Variants in SND1 observed in about 807,000 individuals in gnomAD.
SND1 encodes staphylococcal nuclease and tudor domain containing 1.
Under a neutral mutation model 121.7 loss-of-function variants are expected in SND1, and 38 were observed. That is an observed-to-expected ratio of 0.31 (90% confidence interval 0.24 to 0.41). The LOEUF is 0.41. Among genes scored for constraint, SND1 ranks in the 10% least tolerant of loss-of-function variants. SND1 has a pLI of 1.00. For synonymous variants in SND1, 401 were observed against 447.4 expected, an observed-to-expected ratio of 0.90 and a Z score of 1.31; for missense variants, 868 against 1,184.6, an observed-to-expected ratio of 0.73 and a Z score of 3.92.
At chr7:127,865,276 C>G (rs1252861787) in intron 12 of SND1, among the ~76,000 whole-genome samples, 1 of 152,182 alleles carries the variant, frequency 6.6e-6, no homozygotes, top group African/African-American at 2.4e-5. Context: ...GACCTCTGTC[C>G]TTCTATCTAT....
intron 10 of SND1, among the ~76,000 whole-genome samples, chr7:127,801,171 G>A (rs1253455861): frequency 6.6e-6 from 1 of 152,172 alleles, no homozygotes; most frequent in Non-Finnish European, 1.5e-5. Flanking sequence ...ACCAAACAGT[G>A]CCACATAGCG....
chr7:127,897,620 G>A (rs1261592193), intron 13 of SND1, among the ~76,000 whole-genome samples: 1 of 152,100 alleles, frequency 6.6e-6, no homozygotes, highest in East Asian at 1.9e-4. Context: ...AAGGGAGATG[G>A]AAAGCAAATG....
chr7:127,841,653 C>G (rs192345930), intron 11 of SND1, among the ~76,000 whole-genome samples: 24 of 152,264 alleles, frequency 1.6e-4, no homozygotes, highest in Non-Finnish European at 2.9e-4. Flanking sequence ...CTGAGTTACT[C>G]AGGCCTGTCT....
intron 1 of SND1, among the ~76,000 whole-genome samples, chr7:127,654,719 G>A (rs958200021): frequency 4.6e-5 from 7 of 152,214 alleles, no homozygotes; most frequent in African/African-American, 7.2e-5. Flanking sequence ...TGAGCCATCT[G>A]TACTGAGTAT....
At chr7:127,846,300 C>T (rs1180762569) in intron 12 of SND1, among the ~76,000 whole-genome samples, 5 of 152,076 alleles carry the variant, frequency 3.3e-5, no homozygotes, top group African/African-American at 1.2e-4. Flanking sequence ...AGTTTAGAAG[C>T]ATGTACAAGT....
At chr7:127,880,527 C>T (rs1799770514) in intron 12 of SND1, among the ~76,000 whole-genome samples, 1 of 152,060 alleles carries the variant, frequency 6.6e-6, no homozygotes, top group African/African-American at 2.4e-5. Flanking sequence ...TTACTTTATT[C>T]TGAATATGTG....
At chr7:127,915,860 C>T (rs1800563027) in intron 14 of SND1, among the ~76,000 whole-genome samples, 2 of 152,254 alleles carry the variant, frequency 1.3e-5, no homozygotes, top group South Asian at 4.1e-4. Context: ...GTCAGCATTG[C>T]TGCAATGTGA....
intron 1 of SND1, among the ~76,000 whole-genome samples, chr7:127,668,568 T>C (rs1795459476): frequency 6.6e-6 from 1 of 152,186 alleles, no homozygotes; most frequent in East Asian, 1.9e-4. Flanking sequence ...AATAAATGAA[T>C]GGCACTACTG....
intron 15 of SND1, among the ~76,000 whole-genome samples, chr7:127,934,301 G>A (rs1176878256): frequency 1.3e-5 from 2 of 152,198 alleles, no homozygotes; most frequent in Non-Finnish European, 2.9e-5. Flanking sequence ...AGTATAAAGA[G>A]TGAGGAGGGT....
At chr7:127,800,823 A>T (rs1244142845) in intron 10 of SND1, among the ~76,000 whole-genome samples, 1 of 152,146 alleles carries the variant, frequency 6.6e-6, no homozygotes, top group Non-Finnish European at 1.5e-5. Context: ...CCCATTCCAC[A>T]TCAGTAACCA....
chr7:127,967,726 G>A (rs933185570), intron 15 of SND1, among the ~76,000 whole-genome samples: 6 of 152,046 alleles, frequency 3.9e-5, no homozygotes, highest in East Asian at 1.9e-4. Flanking sequence ...ATTAGTATAC[G>A]GTTACTGTGC....
chr7:127,920,739 A>C (rs928129886), intron 14 of SND1, among the ~76,000 whole-genome samples: 2 of 152,084 alleles, frequency 1.3e-5, no homozygotes, highest in African/African-American at 2.4e-5. Context: ...GAAGACAGGA[A>C]GAAAGCAAGC....
At chr7:127,981,792 TC>T (rs2116902613) in intron 15 of SND1, among the ~76,000 whole-genome samples, 1 of 152,326 alleles carries the variant, frequency 6.6e-6, no homozygotes, top group Non-Finnish European at 1.5e-5. Flanking sequence ...CTTCCTTGCC[TC>T]TTCCACTGGC....
At chr7:127,875,166 CTCAG>C (rs1315258244) in intron 12 of SND1, among the ~76,000 whole-genome samples, 3 of 152,136 alleles carry the variant, frequency 2.0e-5, no homozygotes, top group Non-Finnish European at 2.9e-5. Context: ...AATTCTATGA[CTCAG>C]TCAGTTATTA....
chr7:128,042,794 C>T (rs1792878327), intron 16 of SND1, among the ~76,000 whole-genome samples: 1 of 152,230 alleles, frequency 6.6e-6, no homozygotes, highest in African/African-American at 2.4e-5. Flanking sequence ...GGAGACCAGG[C>T]CTGTCAGCAC....
At chr7:128,082,396 G>GCCCAC (rs934662387) in intron 18 of SND1, among the ~76,000 whole-genome samples, 14 of 152,198 alleles carry the variant, frequency 9.2e-5, no homozygotes, top group African/African-American at 3.4e-4. Flanking sequence ...AGCCTCCTCA[G>GCCCAC]CCCACCCCAG....
chr7:128,090,624 CCAAA>C (rs1458054714), intron 22 of SND1, among the ~76,000 whole-genome samples: 1 of 152,176 alleles, frequency 6.6e-6, no homozygotes, highest in Admixed American at 6.5e-5. Context: ...GGCATGAAAA[CCAAA>C]CACTTTCCTC....
chr7:128,040,456 AAAAAAAAAAAGACATGGTTTGACACCT>A (rs1792834323), intron 16 of SND1, among the ~76,000 whole-genome samples: 3 of 148,268 alleles, frequency 2.0e-5, no homozygotes, highest in Non-Finnish European at 4.5e-5. Context: ...AAAAAAAAAA[AAAAAAAAAAAGACATGGTTTGACACCT>A]AAAAAAAAAA....
At chr7:128,081,564 A>AG in intron 18 of SND1, 63 bp downstream of exon 18, 2 of 1,596,474 alleles carry the variant, frequency 1.3e-6, no homozygotes, top group Non-Finnish European at 1.7e-6. Flanking sequence ...GCCTGGGGGT[A>AG]GGGGGCCTCT....
Sources: allele counts gnomAD v4.1 joint callset (sites outside exome capture counted in the v4.1 genomes callset), GRCh38; gene constraint gnomAD v4.1.1; transcripts MANE v1.5; gene names NCBI Gene and HGNC (gene_info 2026-07-23, HGNC 2026-07-21).